Variants in OSBPL10 observed in about 807,000 individuals in gnomAD.
OSBPL10 encodes oxysterol binding protein like 10.
OSBPL10 carries 49 observed loss-of-function variants against 81.7 expected under a neutral mutation model. The observed-to-expected ratio is 0.60, with a 90% CI of 0.48 to 0.76. The LOEUF is 0.76. Ranked by LOEUF, OSBPL10 falls within the 30% of genes least tolerant of loss-of-function variation. The pLI, the probability that OSBPL10 is intolerant of heterozygous loss-of-function variation, is 0.00. For synonymous variants in OSBPL10, 419 were observed against 383.6 expected (o/e 1.09, Z -1.08); for missense variants, 923 against 987.8 (o/e 0.93, Z 0.88).
intron 5 of OSBPL10, among the ~76,000 whole-genome samples, chr3:31,747,063 A>G (rs573631650): frequency 3.3e-5 from 5 of 152,226 alleles, no homozygotes; most frequent in Admixed American, 2.6e-4. Context: ...GGCCAGGCAC[A>G]GTGGCTCACA....
intron 3 of OSBPL10, among the ~76,000 whole-genome samples, chr3:31,860,342 A>G (rs939313718): frequency 1.3e-5 from 2 of 152,178 alleles, no homozygotes; most frequent in African/African-American, 4.8e-5. Flanking sequence ...GTAAAAAAGG[A>G]AAGAATTAAG....
At chr3:31,744,537 C>CAAAAAAAA (rs58546446) in intron 5 of OSBPL10, among the ~76,000 whole-genome samples, 6 of 96,314 alleles carry the variant, frequency 6.2e-5, no homozygotes, top group Non-Finnish European at 5.8e-5. Flanking sequence ...GACTCCGTCT[C>CAAAAAAAA]AAAAAAAAAA....
rs890959241 is a variant in OSBPL10, at chr3:31,926,834, G to A, written c.282-47004C>T. On this transcript the variant is annotated intron_variant, in intron 1 of 11. Coordinates refer to ENST00000396556, the MANE Select transcript of OSBPL10 (RefSeq NM_017784.5). ...CAAAATCAAAGGGAAAGTAGGCCGG[G>A]CATGGTGGCTCATGCCTGTAATCCC... Among the ~76,000 whole-genome samples, 3 of 152,344 alleles carry A rather than the reference G, an allele frequency of 2.0e-5. 1 individual carries two copies. In the South Asian group the frequency reaches 6.2e-4, roughly 32 times the overall value.
intron 4 of OSBPL10, among the ~76,000 whole-genome samples, chr3:31,751,566 G>A (rs1330068018): frequency 1.3e-5 from 2 of 152,110 alleles, no homozygotes; most frequent in Non-Finnish European, 2.9e-5. Flanking sequence ...TTGAATCAGG[G>A]CACAGTCCTG....
At chr3:32,017,617 C>G (rs1699326948) in intron 2 of OSBPL10, among the ~76,000 whole-genome samples, 1 of 152,178 alleles carries the variant, frequency 6.6e-6, no homozygotes, top group Admixed American at 6.5e-5. Context: ...GCTTAGTAGA[C>G]TGCACAAAGC....
At chr3:31,877,568 G>A (rs955128159) in intron 2 of OSBPL10, among the ~76,000 whole-genome samples, 7 of 148,226 alleles carry the variant, frequency 4.7e-5, no homozygotes, top group Middle Eastern at 3.2e-3. Context: ...CTGCATAAAT[G>A]TTGACTATGA....
At chr3:31,803,028 C>T (rs376125985) in intron 4 of OSBPL10, among the ~76,000 whole-genome samples, 12 of 130,630 alleles carry the variant, frequency 9.2e-5, no homozygotes, top group African/African-American at 2.7e-4. Flanking sequence ...ATATACTGTT[C>T]TAGTCTACAA....
intron 4 of OSBPL10, among the ~76,000 whole-genome samples, chr3:31,816,058 A>T (rs1699826131): frequency 6.6e-6 from 1 of 151,934 alleles, no homozygotes; most frequent in Admixed American, 6.6e-5. Context: ...AGATAGACAG[A>T]TGTTCAGCAA....
chr3:32,049,263 G>A (rs1699650641), intron 1 of OSBPL10, among the ~76,000 whole-genome samples: 2 of 152,048 alleles, frequency 1.3e-5, no homozygotes, highest in Non-Finnish European at 2.9e-5. Flanking sequence ...TTTCTTGTGC[G>A]AGGTCCAAAA....
At chr3:31,703,031 T>C (rs1007569334) in intron 6 of OSBPL10, among the ~76,000 whole-genome samples, 4 of 152,206 alleles carry the variant, frequency 2.6e-5, no homozygotes, top group Admixed American at 6.5e-5. Flanking sequence ...ATGCTGAGAA[T>C]TGGCATTAAT....
At chr3:31,955,600 TAC>T (rs1226622273) in intron 1 of OSBPL10, among the ~76,000 whole-genome samples, 1 of 152,216 alleles carries the variant, frequency 6.6e-6, no homozygotes, top group Non-Finnish European at 1.5e-5. Context: ...TGGGGTCTCC[TAC>T]ACTCAATCCT....
intron 4 of OSBPL10, among the ~76,000 whole-genome samples, chr3:31,761,454 AGAGT>A (rs965023462): frequency 1.3e-5 from 2 of 150,282 alleles, no homozygotes; most frequent in African/African-American, 4.9e-5. Flanking sequence ...CCTGGGCAAC[AGAGT>A]GAGACTCCAT....
At chr3:31,708,942 G>A (rs1272129447) in intron 6 of OSBPL10, 82 of 985,286 alleles carry the variant, frequency 8.3e-5, no homozygotes, top group East Asian at 1.1e-4. Context: ...GCTGCAGGGC[G>A]GCTGTTGAAG....
chr3:31,787,914 A>T (rs962547993), intron 4 of OSBPL10, among the ~76,000 whole-genome samples: 31 of 152,252 alleles, frequency 2.0e-4, no homozygotes, highest in Admixed American at 1.3e-4. Context: ...GTAAATATAT[A>T]AATGGAATAT....
At chr3:31,796,827 C>G (rs1183707363) in intron 4 of OSBPL10, among the ~76,000 whole-genome samples, 3 of 152,116 alleles carry the variant, frequency 2.0e-5, no homozygotes, top group Non-Finnish European at 4.4e-5. Context: ...CTTCCCCACA[C>G]AGGAAGTGTC....
At chr3:32,042,581 GTTCT>G (rs1302823606) in intron 2 of OSBPL10, among the ~76,000 whole-genome samples, 3 of 152,012 alleles carry the variant, frequency 2.0e-5, no homozygotes, top group Non-Finnish European at 2.9e-5. Flanking sequence ...TTCAATGTAG[GTTCT>G]TTCTATTTTC....
chr3:31,685,639 A>G (rs1176848427), intron 7 of OSBPL10, among the ~76,000 whole-genome samples: 1 of 152,194 alleles, frequency 6.6e-6, no homozygotes, highest in Non-Finnish European at 1.5e-5. Context: ...GAGTTGACCA[A>G]TACCATGGGG....
intron 2 of OSBPL10, among the ~76,000 whole-genome samples, chr3:31,998,614 GGT>G (rs1251354619): frequency 6.6e-6 from 1 of 152,166 alleles, no homozygotes; most frequent in African/African-American, 2.4e-5. Flanking sequence ...ATAATTTGAT[GGT>G]TACATACCAA....
chr3:32,042,718 C>T (rs1699589899), intron 2 of OSBPL10, among the ~76,000 whole-genome samples: 1 of 152,068 alleles, frequency 6.6e-6, no homozygotes, highest in South Asian at 2.1e-4. Context: ...GCCTTAAAGC[C>T]AGCAAATTTT....
Sources: gnomAD v4.1 joint callset for allele counts (sites outside exome capture counted in the v4.1 genomes callset) on GRCh38, gnomAD v4.1.1 for gene constraint, MANE v1.5 for transcripts, NCBI Gene and HGNC (gene_info 2026-07-23, HGNC 2026-07-21) for gene names.